ADSS1: variants seen among roughly 807,000 people sequenced by gnomAD.
ADSS1 encodes adenylosuccinate synthase 1, also known as adenylosuccinate synthetase isozyme 1.
In ADSS1, 57 loss-of-function variants were observed where a neutral mutation model predicts 59.1. The ratio of observed to expected loss-of-function variants is 0.97; its 90% CI spans 0.78 to 1.20. The LOEUF (loss-of-function observed/expected upper bound fraction) is 1.20. Among genes scored for constraint, ADSS1 ranks in the 50% most tolerant of loss-of-function variants. The probability of loss-of-function intolerance (pLI) is 0.00; values close to 1 mark genes in which losing one functional copy is unlikely to be tolerated. For synonymous variants in ADSS1, 247 were observed against 249.4 expected, an observed-to-expected ratio of 0.99 and a Z score of 0.09; for missense variants, 603 against 610.3, an observed-to-expected ratio of 0.99 and a Z score of 0.13.
intron 2 of ADSS1, among the ~76,000 whole-genome samples, chr14:104,736,881 G>GATTTTATAT (rs1254196679): frequency 9.4e-6 from 1 of 106,600 alleles, no homozygotes; most frequent in African/African-American, 3.6e-5. Flanking sequence ...GCACCTAGCT[G>GATTTTATAT]ATATATATAT....
chr14:104,733,811 C>T (rs1459629722), intron 1 of ADSS1, among the ~76,000 whole-genome samples: 3 of 152,182 alleles, frequency 2.0e-5, no homozygotes, highest in Non-Finnish European at 4.4e-5. Context: ...GCAGGGTATC[C>T]GTGTGTGGCC....
chr14:104,735,088 C>CGGCA lies in ADSS1; in HGVS notation c.262_265dup (p.Ile89ArgfsTer24). The CGGCA allele has an allele frequency of 6.2e-7, 1 of 1,613,018 alleles. No homozygotes were observed. Among genetic ancestry groups the CGGCA allele is most frequent in the East Asian group, 2.2e-5 (1 of 44,838 alleles). On this transcript the variant is annotated frameshift_variant, in exon 2 of 13. Transcript: ENST00000330877. LOFTEE classifies it high-confidence loss of function. The stretch of plus-strand genomic sequence containing the variant: ...AGTACGACTTCCACCTGCTGCCCAG[C>CGGCA]GGCATCATCAACACCAAGGCCGTGT...
At chr14:104,742,148 T>G (rs1306634278) in intron 9 of ADSS1, 146 bp downstream of exon 9, 2 of 1,255,888 alleles carry the variant, frequency 1.6e-6, no homozygotes, top group Non-Finnish European at 2.2e-6. Context: ...CTTCCTGCCG[T>G]GCAGGCCAGG....
Position 104,740,519 on chromosome 14 carries a change from G to A in ADSS1, c.477-82G>A, listed in dbSNP as rs1443153883. 4.2e-5 allele frequency: 54 copies of A among 1,277,842 alleles called. 1 individual carries two copies. Among genetic ancestry groups the A allele is most frequent in the South Asian group, 3.8e-4 (31 of 80,768 alleles). 79.2% of individuals were successfully genotyped at this position (1,277,842 alleles called of 1,614,324 possible). Reference sequence around the variant, plus strand: ...ATGGTGGGCACTGGAGTCATGAGCCGGCGGGGGTCATGGCCTCAGTGGGAT... The same window carrying A: ...ATGGTGGGCACTGGAGTCATGAGCCAGCGGGGGTCATGGCCTCAGTGGGAT... On this transcript the variant is annotated intron_variant, in intron 5 of 12. Transcript: ENST00000330877. This position sits in a 1 kb window ranked among gnomAD's most constrained non-coding sequence, Gnocchi z 4.8.
At position 104,739,379 on chromosome 14, in the gene ADSS1, G is replaced by T; in HGVS notation, c.409+1G>T. 1 of 1,604,704 alleles carries T rather than the reference G, an allele frequency of 6.2e-7. No individual in the cohort carries two copies. Among genetic ancestry groups the T allele is most frequent in the East Asian group, 2.2e-5 (1 of 44,600 alleles). On this transcript the variant is annotated splice_donor_variant, in intron 4 of 12. Transcript: ENST00000330877. LOFTEE classifies it high-confidence loss of function. Reference sequence around the variant, plus strand: ...ATCATCTCTGACAGAGCCCACCTTGGTACGTTTCCCACTGGAGTACAGGGA... The same window carrying T: ...ATCATCTCTGACAGAGCCCACCTTGTTACGTTTCCCACTGGAGTACAGGGA...
At chr14:104,730,996 G>A (rs1175968724) in intron 1 of ADSS1, among the ~76,000 whole-genome samples, 2 of 134,192 alleles carry the variant, frequency 1.5e-5, no homozygotes, top group Non-Finnish European at 3.1e-5. Flanking sequence ...TGGGGGCTCA[G>A]AGCTGTGTCC....
intron 1 of ADSS1, among the ~76,000 whole-genome samples, chr14:104,724,762 G>GCGCATGCCATGGGTGTGA (rs1230688655): frequency 6.2e-4 from 95 of 152,224 alleles, no homozygotes; most frequent in Non-Finnish European, 1.0e-3. Context: ...TTAGGGGGTG[G>GCGCATGCCATGGGTGTGA]CGCATGCCAT....
At chr14:104,739,112 G>C (rs1299681512) in intron 3 of ADSS1, among the ~76,000 whole-genome samples, 2 of 152,148 alleles carry the variant, frequency 1.3e-5, no homozygotes, top group Non-Finnish European at 2.9e-5. Context: ...GCATCCTGGC[G>C]GCGGGGTGGA....
chr14:104,737,750 G>C (rs914979752), intron 2 of ADSS1: 1 of 152,152 alleles, frequency 6.6e-6, no homozygotes, highest in Non-Finnish European at 1.5e-5. Context: ...ACTTTTCCAG[G>C]GACTTCATAT....
At chr14:104,743,351 C>A in intron 10 of ADSS1, 160 bp downstream of exon 10, 1 of 1,079,808 alleles carries the variant, frequency 9.3e-7, no homozygotes, top group Non-Finnish European at 1.3e-6. Flanking sequence ...CAGAGGTTAG[C>A]GGTATGGAGG....
At chr14:104,735,345 G>C (rs1263400450) in intron 2 of ADSS1, among the ~76,000 whole-genome samples, 1 of 152,206 alleles carries the variant, frequency 6.6e-6, no homozygotes, top group Non-Finnish European at 1.5e-5. Flanking sequence ...GCTGATGGGA[G>C]GAGGGGCAGA....
At chr14:104,742,703 C>T (rs892164553) in intron 9 of ADSS1, among the ~76,000 whole-genome samples, 2 of 152,252 alleles carry the variant, frequency 1.3e-5, no homozygotes, top group African/African-American at 4.8e-5. Context: ...CACCCCTGAC[C>T]CCCAAAGCCA....
chr14:104,744,636 C>G, intron 10 of ADSS1, 176 bp from the exon 11 acceptor site: 1 of 597,722 alleles, frequency 1.7e-6, no homozygotes, highest in South Asian at 2.0e-5. Flanking sequence ...GCTTGCCCGC[C>G]ACTCATCTGC....
At chr14:104,743,343 G>A in intron 10 of ADSS1, 152 bp downstream of exon 10, 5 of 1,178,490 alleles carry the variant, frequency 4.2e-6, no homozygotes, top group Non-Finnish European at 5.9e-6. Flanking sequence ...GCACGGCCCA[G>A]AGGTTAGCGG....
At chr14:104,736,996 C>T (rs111731969) in intron 2 of ADSS1, 1 of 150,946 alleles carries the variant, frequency 6.6e-6, no homozygotes, top group Admixed American at 6.6e-5. Flanking sequence ...ATCCTCCTGC[C>T]TCAGCATCAC....
chr14:104,742,817 T>C (rs1191395959), intron 9 of ADSS1, among the ~76,000 whole-genome samples: 2 of 152,174 alleles, frequency 1.3e-5, no homozygotes, highest in Non-Finnish European at 2.9e-5. Flanking sequence ...TGGTCTGGTG[T>C]GTTCAGGAAG....
At chr14:104,728,418 C>A (rs1396134996) in intron 1 of ADSS1, among the ~76,000 whole-genome samples, 1 of 152,174 alleles carries the variant, frequency 6.6e-6, no homozygotes, top group Non-Finnish European at 1.5e-5. Flanking sequence ...ACCTGCACAC[C>A]TGTAGCAGTG....
rs1413253220 is a variant in ADSS1 at position 104,724,266 on chromosome 14, C to T, written c.-5C>T. 1.6e-6 allele frequency: 2 copies of T among 1,227,974 alleles called. No individual in the cohort carries two copies. Among genetic ancestry groups the T allele is most frequent in the East Asian group, 3.2e-5 (1 of 31,260 alleles). The allele number at this position is 1,227,974 out of a possible 1,614,324, so 76.1% of individuals were successfully genotyped here. On this transcript the variant is annotated 5_prime_UTR_variant, in exon 1 of 13. Coordinates refer to ENST00000330877, the MANE Select transcript of ADSS1 (RefSeq NM_152328.5). Reference sequence around the variant, plus strand: ...GGGCCAGCGCAGCGGAAGAGCCAAGCCAGCATGTCGGGGACCCGAGCCTCC... The same window carrying T: ...GGGCCAGCGCAGCGGAAGAGCCAAGTCAGCATGTCGGGGACCCGAGCCTCC...
intron 1 of ADSS1, among the ~76,000 whole-genome samples, chr14:104,728,983 CG>C (rs1890801681): frequency 6.6e-6 from 1 of 152,162 alleles, no homozygotes; most frequent in African/African-American, 2.4e-5. Context: ...TGAGGCACGG[CG>C]CCGTCAGACA....
Sources: gnomAD v4.1 joint callset for allele counts (sites outside exome capture counted in the v4.1 genomes callset) on GRCh38, gnomAD v4.1.1 for gene constraint, Gnocchi (gnomAD v3.1) non-coding constraint, MANE v1.5 for transcripts, NCBI Gene and HGNC (gene_info 2026-07-23, HGNC 2026-07-21) for gene names.